C6orf89: variants seen among roughly 807,000 people sequenced by gnomAD.
The protein encoded by C6orf89 is bombesin receptor-activated protein C6orf89.
In C6orf89, 29 loss-of-function variants were observed where a neutral mutation model predicts 40.7. That is an observed-to-expected ratio of 0.71 (90% confidence interval 0.53 to 0.97). The LOEUF is 0.97. C6orf89 is among the 50% of genes least tolerant of loss of function. C6orf89 has a pLI of 0.00. For synonymous variants in C6orf89, 165 were observed against 152.2 expected (o/e 1.08, Z -0.62); for missense variants, 392 against 429.1 (o/e 0.91, Z 0.76).
chr6:36,876,724 CA>C (rs71540176), intron 1 of C6orf89, among the ~76,000 whole-genome samples: 183 of 92,162 alleles, frequency 2.0e-3, no homozygotes, highest in East Asian at 3.4e-3. Context: ...AACTCCATCT[CA>C]AAAAAAAAAA....
At chr6:36,891,682 A>T (rs1161916656) in intron 1 of C6orf89, among the ~76,000 whole-genome samples, 4 of 152,242 alleles carry the variant, frequency 2.6e-5, no homozygotes, top group Non-Finnish European at 5.9e-5. Flanking sequence ...TAAAGAATGG[A>T]TACCATACTT....
At chr6:36,879,146 C>T (rs963699622) in intron 2 of C6orf89, 5 of 152,618 alleles carry the variant, frequency 3.3e-5, no homozygotes, top group South Asian at 4.1e-4. Flanking sequence ...AGCTCCCTCT[C>T]GGATCTCTCT....
At chr6:36,890,844 C>G (rs372384180) in intron 1 of C6orf89, among the ~76,000 whole-genome samples, 3 of 152,190 alleles carry the variant, frequency 2.0e-5, no homozygotes, top group African/African-American at 7.2e-5. Context: ...CTGCCTGTAC[C>G]TTGATTGTAA....
intron 3 of C6orf89, among the ~76,000 whole-genome samples, chr6:36,900,752 T>C (rs1327066114): frequency 6.6e-6 from 1 of 151,994 alleles, no homozygotes; most frequent in Non-Finnish European, 1.5e-5. Context: ...TTGAGTCCAG[T>C]CAATCACTGT....
Position 36,923,565 on chromosome 6 carries a change from T to A in C6orf89, c.*124T>A. 1.3e-6 allele frequency: 1 copy of A among 753,326 alleles called. No individual in the cohort carries two copies. Among genetic ancestry groups the A allele is most frequent in the South Asian group, 1.5e-5 (1 of 67,700 alleles). 46.7% of individuals were successfully genotyped at this position (753,326 alleles called of 1,614,324 possible). On this transcript the variant is annotated 3_prime_UTR_variant, in exon 9 of 9. Transcript: ENST00000480824. ...GTTACTTAGTTACCTGCCCTTTGCA[T>A]GCATGTGTGAACCAGCTGTGAGCTG...
At chr6:36,880,398 A>G (rs1306156052) in intron 2 of C6orf89, among the ~76,000 whole-genome samples, 5 of 150,890 alleles carry the variant, frequency 3.3e-5, no homozygotes, top group African/African-American at 1.2e-4. Context: ...TACAACTACT[A>G]TAGTAATCTT....
chr6:36,923,905 C>T lies in C6orf89; in HGVS notation c.*464C>T. The stretch of plus-strand genomic sequence containing the variant: ...CACATCACTCTACTTTTTGGAAGGC[C>T]ATGGCTGATTAAAGAAGTTCTTGTA... On this transcript the variant is annotated 3_prime_UTR_variant, in exon 9 of 9. Coordinates refer to ENST00000480824, the MANE Select transcript of C6orf89 (RefSeq NM_001286635.2). The T allele has an allele frequency of 4.4e-6, 1 of 229,660 alleles. No individual in the cohort carries two copies. The highest frequency in any genetic ancestry group is 5.9e-5 in the South Asian group (1 of 16,894). The allele number at this position is 229,660 out of a possible 1,614,324, so 14.2% of individuals were successfully genotyped here.
chr6:36,895,043 A>G (rs1561861353), intron 2 of C6orf89, among the ~76,000 whole-genome samples: 1 of 152,236 alleles, frequency 6.6e-6, no homozygotes, highest in Non-Finnish European at 1.5e-5. Context: ...ATATTTGAAT[A>G]CAACTCTATA....
At chr6:36,893,909 A>T (rs1287632792) in intron 1 of C6orf89, among the ~76,000 whole-genome samples, 1 of 152,122 alleles carries the variant, frequency 6.6e-6, no homozygotes, top group East Asian at 1.9e-4. Context: ...CTGTAATTCC[A>T]GCTGCTCAGG....
chr6:36,899,653 G>A lies in C6orf89; in HGVS notation c.189+20G>A. On this transcript the variant is annotated intron_variant, in intron 3 of 8. Coordinates refer to ENST00000480824, the MANE Select transcript of C6orf89 (RefSeq NM_001286635.2). Reference sequence around the variant, plus strand: ...TATAAGGTAAAATGTTTCCTGAGTTGGTAATTGCTTCAACAGAACACAAAC... The same window carrying A: ...TATAAGGTAAAATGTTTCCTGAGTTAGTAATTGCTTCAACAGAACACAAAC... 3 of 1,607,290 alleles carry A rather than the reference G, an allele frequency of 1.9e-6. No individual in the cohort carries two copies. The highest frequency in any genetic ancestry group is 2.6e-6 in the Non-Finnish European group (3 of 1,174,000).
At chr6:36,907,273 AT>A (rs1360679467) in intron 4 of C6orf89, among the ~76,000 whole-genome samples, 4 of 142,134 alleles carry the variant, frequency 2.8e-5, no homozygotes, top group Admixed American at 6.9e-5. Context: ...CTGGAAAGAA[AT>A]CTTTTGTTTT....
At chr6:36,911,380 T>C (rs924524404) in intron 4 of C6orf89, among the ~76,000 whole-genome samples, 38 of 151,840 alleles carry the variant, frequency 2.5e-4, no homozygotes, top group African/African-American at 8.7e-4. Context: ...ATCCCAGCTA[T>C]TCAGGAGGCT....
upstream of C6orf89, chr6:36,885,858 T>C (rs1774956274): frequency 4.0e-6 from 2 of 495,956 alleles, no homozygotes; most frequent in Non-Finnish European, 6.4e-6. Flanking sequence ...TGTTCTGTTT[T>C]GGGCGGAAGC....
chr6:36,871,964 G>C (rs1452317611), exon 1 of C6orf89: 5 of 1,187,126 alleles, frequency 4.2e-6, no homozygotes, highest in Non-Finnish European at 5.6e-6. Context: ...TGATTTTCAA[G>C]CTTGTAAGTC....
rs1000865915 is a variant in C6orf89 at position 36,928,884 on chromosome 6, A to G, written c.*5443A>G. On this transcript the variant is annotated 3_prime_UTR_variant, in exon 9 of 9. Transcript: ENST00000480824. ...CTACAAACTGGTAAAGACTTCCACC[A>G]TGTGAAGAATGTATGTAAATTAAAG... The G allele has an allele frequency of 4.6e-5, 7 of 152,236 alleles. No individual in the cohort carries two copies. Among genetic ancestry groups the G allele is most frequent in the Admixed American group, 6.5e-5 (1 of 15,288 alleles). The allele number at this position is 152,236 out of a possible 1,614,324, so 9.4% of individuals were successfully genotyped here.
Position 36,889,582 on chromosome 6 carries a change from CAA to C in C6orf89, c.-120+3564_-120+3565del, listed in dbSNP as rs58417436. ...GTCCTAAAAGACCAAAAAACAAAAACAAAAAAAAAAAGAAAAACCACACACTG... is the reference window on the plus strand; with the variant it reads ...GTCCTAAAAGACCAAAAAACAAAAACAAAAAAAAAGAAAAACCACACACTG... On this transcript the variant is annotated intron_variant, in intron 1 of 8. Coordinates refer to ENST00000480824, the MANE Select transcript of C6orf89 (RefSeq NM_001286635.2). Among the ~76,000 whole-genome samples the C allele has an allele frequency of 4.3e-5, 6 of 140,498 alleles. No individual in the cohort carries two copies. In the South Asian group the frequency reaches 6.7e-4, roughly 16 times the overall value. 92.2% of individuals were successfully genotyped at this position (140,498 alleles called of 152,430 possible).
intron 2 of C6orf89, among the ~76,000 whole-genome samples, chr6:36,897,427 A>G (rs941381912): frequency 6.6e-6 from 1 of 152,168 alleles, no homozygotes; most frequent in African/African-American, 2.4e-5. Context: ...GGGTTGGTAG[A>G]AAAAAATCAG....
intron 8 of C6orf89, among the ~76,000 whole-genome samples, chr6:36,920,409 AG>A (rs762476005): frequency 1.4e-4 from 22 of 152,240 alleles, no homozygotes; most frequent in Non-Finnish European, 2.9e-4. Flanking sequence ...TAAATCAGCG[AG>A]TGTCACCATT....
intron 6 of C6orf89, 69 bp downstream of exon 6, chr6:36,914,762 G>C: frequency 6.4e-7 from 1 of 1,571,578 alleles, no homozygotes; most frequent in Non-Finnish European, 8.7e-7. Context: ...GGCCGAGGCA[G>C]GCAGATCACT....
Sources: gnomAD v4.1 joint callset for allele counts (sites outside exome capture counted in the v4.1 genomes callset) on GRCh38, gnomAD v4.1.1 for gene constraint, MANE v1.5 for transcripts, NCBI Gene and HGNC (gene_info 2026-07-23, HGNC 2026-07-21) for gene names.